The following TTC7A variants were observed in gnomAD, a reference collection of about 807,000 sequenced individuals.
TTC7A encodes tetratricopeptide repeat domain 7A.
Under a neutral mutation model 103.7 loss-of-function variants are expected in TTC7A, and 110 were observed. That is an observed-to-expected ratio of 1.06 (90% CI 0.91 to 1.24). TTC7A has a LOEUF of 1.24. TTC7A is among the 50% of genes most tolerant of loss of function. TTC7A has a pLI of 0.00. For synonymous variants in TTC7A, 521 were observed against 467.9 expected (o/e 1.11, Z -1.47); for missense variants, 1,340 against 1,116.3 (o/e 1.20, Z -2.86).
At chr2:46,974,818 T>G in intron 3 of TTC7A, 155 bp from the exon 4 acceptor site, 2 of 1,061,612 alleles carry the variant, frequency 1.9e-6, no homozygotes, top group South Asian at 1.4e-5. Flanking sequence ...CCACCGTCGC[T>G]TCAGCTTCCT....
intron 18 of TTC7A, among the ~76,000 whole-genome samples, chr2:47,053,189 C>T (rs1186833600): frequency 6.6e-6 from 1 of 152,134 alleles, no homozygotes; most frequent in Non-Finnish European, 1.5e-5. Context: ...GCGGAGGCTG[C>T]ACTTGCTCCA....
intron 2 of TTC7A, among the ~76,000 whole-genome samples, chr2:46,927,863 T>TAATATTGG (rs1395335110): frequency 1.4e-5 from 2 of 146,174 alleles, no homozygotes; most frequent in Non-Finnish European, 3.0e-5. Flanking sequence ...GCAGAAACAC[T>TAATATTGG]AATATTGGGG....
chr2:46,927,344 GA>G (rs1246154338), intron 2 of TTC7A, among the ~76,000 whole-genome samples: 2 of 149,606 alleles, frequency 1.3e-5, no homozygotes, highest in Non-Finnish European at 3.0e-5. Flanking sequence ...AAAGATAGAG[GA>G]GAAAAAAAGA....
intron 3 of TTC7A, among the ~76,000 whole-genome samples, chr2:46,958,289 C>CT (rs1672064082): frequency 6.6e-6 from 1 of 152,268 alleles, no homozygotes; most frequent in Non-Finnish European, 1.5e-5. Flanking sequence ...CCTTTGCTCT[C>CT]TCATCCCCCG....
intron 5 of TTC7A, among the ~76,000 whole-genome samples, chr2:46,985,942 A>G (rs1674964645): frequency 6.6e-6 from 1 of 152,140 alleles, no homozygotes; most frequent in South Asian, 2.1e-4. Flanking sequence ...TCTGCTATAC[A>G]TTGTAGGTTT....
chr2:47,005,436 A>C (rs1677274666), intron 8 of TTC7A, among the ~76,000 whole-genome samples: 1 of 152,054 alleles, frequency 6.6e-6, no homozygotes, highest in African/African-American at 2.4e-5. Context: ...TGTTCCATAA[A>C]ACGACTGGCC....
rs1314680217 is a variant in TTC7A, at chr2:47,067,223, T to TATCA, written c.2355+6254_2355+6257dup. 2.0e-5 allele frequency among the ~76,000 whole-genome samples: 3 copies of TATCA among 152,384 alleles called. 1 individual carries two copies. Among genetic ancestry groups the TATCA allele is most frequent in the African/African-American group, 7.2e-5 (3 of 41,592 alleles). ...ATAGCACTGGCTCAGTTTTTTCTGC[T>TATCA]ATCAAATTGGGATGATAATCTAGAC... On this transcript the variant is annotated intron_variant, in intron 19 of 19. Transcript: ENST00000319190.
intron 5 of TTC7A, among the ~76,000 whole-genome samples, chr2:46,987,809 CGTGTGTGTGTGTGT>C (rs34664382): frequency 5.5e-5 from 8 of 144,550 alleles, no homozygotes; most frequent in Non-Finnish European, 7.6e-5. Flanking sequence ...CCTTTCCGCG[CGTGTGTGTGTGTGT>C]GTGTGTGTGT....
chr2:46,999,943 G>GC, intron 8 of TTC7A: 2 of 975,654 alleles, frequency 2.0e-6, no homozygotes, highest in Non-Finnish European at 2.4e-6. Flanking sequence ...TTTGTGCCAT[G>GC]CCCAATGCTG....
At chr2:46,988,301 G>A (rs1032006858) in intron 5 of TTC7A, among the ~76,000 whole-genome samples, 62 of 152,316 alleles carry the variant, frequency 4.1e-4, no homozygotes, top group African/African-American at 1.5e-3. Flanking sequence ...GGGGTGAAGA[G>A]GAATCCTCTG....
intron 1 of TTC7A, among the ~76,000 whole-genome samples, chr2:46,947,156 A>G (rs1157397470): frequency 2.0e-5 from 3 of 152,312 alleles, no homozygotes; most frequent in South Asian, 2.1e-4. Flanking sequence ...TCCGCTGTGC[A>G]TGGGTTGCAG....
Position 47,072,402 on chromosome 2 carries a change from C to G in TTC7A, c.2356-1300C>G, listed in dbSNP as rs539222607. ...GCCAGCGCCTCTGGAGAGGGAGAGG[C>G]CTTTCCTAGGGCTTCCTGAGCGCCA... is the stretch of plus-strand genomic sequence containing the variant. On this transcript the variant is annotated intron_variant, in intron 19 of 19. Transcript: ENST00000319190. 2.3e-4 allele frequency among the ~76,000 whole-genome samples: 35 copies of G among 152,302 alleles called. No individual in the cohort carries two copies. The East Asian group carries it at 2.7e-3, about 12-fold the overall frequency.
chr2:46,983,992 A>G (rs1674747745), intron 5 of TTC7A, among the ~76,000 whole-genome samples: 2 of 152,168 alleles, frequency 1.3e-5, no homozygotes, highest in African/African-American at 4.8e-5. Flanking sequence ...TTTCAGGGAT[A>G]TTTCTTAGGA....
chr2:46,927,070 C>T (rs908718747), intron 2 of TTC7A, among the ~76,000 whole-genome samples: 1 of 149,992 alleles, frequency 6.7e-6, no homozygotes. Context: ...TGAAGAGAGA[C>T]AAAAAGATAG....
Position 46,941,704 on chromosome 2 carries a change from G to T in TTC7A, c.163G>T (p.Ala55Ser), listed in dbSNP as rs963602999. The T allele has an allele frequency of 5.8e-6, 9 of 1,550,636 alleles. No homozygotes were observed. In the East Asian group the frequency reaches 1.5e-4, roughly 25 times the overall value. ...GGNRRGSPSA[A>S]FTFPDTDDFG... is the part of the protein sequence containing the mutation. ...TAACAGGCGAGGCAGCCCGAGCGCA[G>T]CGTTCACCTTTCCGGACACCGGTGA... Residue 55 changes from alanine to serine, a missense_variant, in exon 1 of 20, where the codon GCG (alanine) becomes TCG (serine). Coordinates refer to ENST00000319190, the MANE Select transcript of TTC7A (RefSeq NM_020458.4). The surrounding 1 kb of genome is among the most constrained non-coding windows in gnomAD (Gnocchi z 4.2).
intron 18 of TTC7A, among the ~76,000 whole-genome samples, chr2:47,053,164 G>A (rs905658657): frequency 6.6e-6 from 1 of 152,070 alleles, no homozygotes; most frequent in Non-Finnish European, 1.5e-5. Context: ...GGGTCCCTTC[G>A]GATGCTGGGG....
At chr2:47,035,124 C>T (rs1680966286) in intron 15 of TTC7A, among the ~76,000 whole-genome samples, 1 of 152,110 alleles carries the variant, frequency 6.6e-6, no homozygotes. Flanking sequence ...GTGGTATATT[C>T]CAATGAGCAG....
At chr2:46,983,640 C>T (rs1355240662) in intron 5 of TTC7A, among the ~76,000 whole-genome samples, 6 of 152,236 alleles carry the variant, frequency 3.9e-5, no homozygotes, top group Middle Eastern at 3.2e-3. Context: ...GCAGTTGTGC[C>T]TGTAAGGCAG....
intron 5 of TTC7A, among the ~76,000 whole-genome samples, chr2:46,984,035 C>CGAA (rs1263552396): frequency 6.6e-6 from 1 of 152,234 alleles, no homozygotes; most frequent in East Asian, 1.9e-4. Flanking sequence ...GCTAAATTCA[C>CGAA]ACCAGGCACT....
Sources: allele counts gnomAD v4.1 joint callset (sites outside exome capture counted in the v4.1 genomes callset), GRCh38; gene constraint gnomAD v4.1.1; non-coding constraint Gnocchi (gnomAD v3.1); transcripts MANE v1.5; gene names NCBI Gene and HGNC (gene_info 2026-07-23, HGNC 2026-07-21).